Variants in DLGAP2 observed in about 807,000 individuals in gnomAD.
DLGAP2 encodes the protein disks large-associated protein 2.
DLGAP2 carries 26 observed loss-of-function variants against 100.3 expected under a neutral mutation model. The ratio of observed to expected loss-of-function variants is 0.26; its 90% CI spans 0.19 to 0.36. DLGAP2 has a LOEUF of 0.36. Among genes scored for constraint, DLGAP2 ranks in the 10% least tolerant of loss-of-function variants. The pLI is 1.00. For missense variants in DLGAP2, 1,858 were observed against 1,453.2 expected, an observed-to-expected ratio of 1.28 and a Z score of -4.53; for synonymous variants, 886 against 630.1, an observed-to-expected ratio of 1.41 and a Z score of -6.08.
intron 1 of DLGAP2, among the ~76,000 whole-genome samples, chr8:814,756 G>A (rs1796432319): frequency 6.6e-6 from 1 of 150,924 alleles, no homozygotes; most frequent in Admixed American, 6.6e-5. Flanking sequence ...GGGAGGCTGA[G>A]GCGGGAGGAT....
At chr8:1,287,157 T>TGTGTGTGCGC (rs1315463950) in intron 3 of DLGAP2, among the ~76,000 whole-genome samples, 4 of 99,510 alleles carry the variant, frequency 4.0e-5, no homozygotes, top group African/African-American at 1.3e-4. Context: ...TGTGTGTGTG[T>TGTGTGTGCGC]GCGCGCGCGC....
At chr8:1,278,507 C>G (rs1799752057) in intron 3 of DLGAP2, among the ~76,000 whole-genome samples, 1 of 152,170 alleles carries the variant, frequency 6.6e-6, no homozygotes. Context: ...GCATATCATT[C>G]TGTTTACTTA....
intron 2 of DLGAP2, among the ~76,000 whole-genome samples, chr8:982,860 ACT>A (rs1800375873): frequency 7.7e-6 from 1 of 130,540 alleles, no homozygotes; most frequent in African/African-American, 2.9e-5. Flanking sequence ...GCTTTAATAC[ACT>A]CTAGGAATTT....
chr8:916,581 C>A (rs1041089543), intron 2 of DLGAP2, among the ~76,000 whole-genome samples: 2 of 152,108 alleles, frequency 1.3e-5, no homozygotes, highest in African/African-American at 4.8e-5. Flanking sequence ...GGGTGCAGCA[C>A]ACCAACATGG....
chr8:814,775 C>T (rs1027347873), intron 1 of DLGAP2, among the ~76,000 whole-genome samples: 3 of 146,034 alleles, frequency 2.1e-5, no homozygotes, highest in Non-Finnish European at 4.5e-5. Flanking sequence ...ATGGTGTGAA[C>T]CTAGGAGGTG....
intron 2 of DLGAP2, among the ~76,000 whole-genome samples, chr8:1,070,701 A>T (rs1803401613): frequency 1.3e-5 from 2 of 152,178 alleles, no homozygotes; most frequent in Non-Finnish European, 2.9e-5. Flanking sequence ...TACAGAAAAG[A>T]CCATGGGGAA....
At position 1,340,762 on chromosome 8, in the gene DLGAP2, A is replaced by G. The variant is rs540541338; in HGVS notation, c.106+81879A>G. 2.7e-3 allele frequency among the ~76,000 whole-genome samples: 414 copies of G among 152,332 alleles called. 3 individuals are homozygous for G. The highest frequency in any genetic ancestry group is 5.1e-3 in the Non-Finnish European group (345 of 68,028). ...AAAGGAATAGAAACCCTTCTGTGACATGCACAGACACACATGCACATGTGT... is the reference window on the plus strand; with the variant it reads ...AAAGGAATAGAAACCCTTCTGTGACGTGCACAGACACACATGCACATGTGT... On this transcript the variant is annotated intron_variant, in intron 3 of 14. Transcript: ENST00000637795.
At chr8:963,132 G>A (rs1009779889) in intron 2 of DLGAP2, among the ~76,000 whole-genome samples, 2 of 152,138 alleles carry the variant, frequency 1.3e-5, no homozygotes, top group South Asian at 2.1e-4. Flanking sequence ...GTCACCCCTC[G>A]GAGCTTCTTG....
intron 3 of DLGAP2, among the ~76,000 whole-genome samples, chr8:1,493,708 A>T (rs567657845): frequency 1.2e-4 from 19 of 152,312 alleles, no homozygotes; most frequent in Admixed American, 1.2e-3. Context: ...CAGAAATGGA[A>T]GGGAAGCAAG....
intron 2 of DLGAP2, among the ~76,000 whole-genome samples, chr8:1,118,879 G>T (rs1795964266): frequency 6.6e-6 from 1 of 152,186 alleles, no homozygotes; most frequent in African/African-American, 2.4e-5. Flanking sequence ...AACACCTATA[G>T]TTAAGTTTAA....
chr8:1,190,413 GGGGCATCTGCTGTT>G (rs1797606978), intron 2 of DLGAP2, among the ~76,000 whole-genome samples: 1 of 37,842 alleles, frequency 2.6e-5, no homozygotes, highest in Non-Finnish European at 6.6e-5. Flanking sequence ...ATCTGCTGTT[GGGGCATCTGCTGTT>G]GGGGCATCTG....
At chr8:741,458 A>G (rs530726328) in intron 1 of DLGAP2, among the ~76,000 whole-genome samples, 24 of 152,274 alleles carry the variant, frequency 1.6e-4, no homozygotes, top group African/African-American at 5.5e-4. Context: ...GGGCCTTGAC[A>G]TGCAGTCCCT....
chr8:1,430,011 T>TATACAC (rs1554467362), intron 3 of DLGAP2, among the ~76,000 whole-genome samples: 2 of 63,964 alleles, frequency 3.1e-5, no homozygotes, highest in Non-Finnish European at 3.3e-5. Flanking sequence ...TATATACATA[T>TATACAC]ATATATATAT....
At chr8:1,175,976 A>C (rs1443779361) in intron 2 of DLGAP2, among the ~76,000 whole-genome samples, 1 of 152,222 alleles carries the variant, frequency 6.6e-6, no homozygotes, top group Non-Finnish European at 1.5e-5. Flanking sequence ...GAGCTGGCAC[A>C]GGGCCTATGT....
chr8:1,232,578 C>A (rs1427943639), intron 2 of DLGAP2, among the ~76,000 whole-genome samples: 1 of 152,230 alleles, frequency 6.6e-6, no homozygotes, highest in South Asian at 2.1e-4. Flanking sequence ...TTGGGAACGA[C>A]TTATCCTTTA....
chr8:1,252,882 G>A (rs1333781566), intron 2 of DLGAP2, among the ~76,000 whole-genome samples: 1 of 152,212 alleles, frequency 6.6e-6, no homozygotes, highest in Non-Finnish European at 1.5e-5. Context: ...TTCTCCCTGT[G>A]TCTCTTAGTC....
intron 2 of DLGAP2, among the ~76,000 whole-genome samples, chr8:1,023,615 C>T (rs568331650): frequency 1.3e-4 from 19 of 151,084 alleles, no homozygotes; most frequent in African/African-American, 4.1e-4. Flanking sequence ...CCGTTTGTTC[C>T]TGCTCAGGAC....
chr8:860,478 G>C (rs1002260516), intron 1 of DLGAP2, among the ~76,000 whole-genome samples: 1 of 152,160 alleles, frequency 6.6e-6, no homozygotes, highest in African/African-American at 2.4e-5. Context: ...CATTGTCCTG[G>C]ACCAAATGAC....
chr8:1,540,464 T>A (rs189276371), intron 4 of DLGAP2, among the ~76,000 whole-genome samples: 48 of 152,290 alleles, frequency 3.2e-4, no homozygotes, highest in African/African-American at 9.4e-4. Flanking sequence ...GAAAACACTT[T>A]TAAAACTCAT....
Sources: allele counts gnomAD v4.1 joint callset (sites outside exome capture counted in the v4.1 genomes callset), GRCh38; gene constraint gnomAD v4.1.1; transcripts MANE v1.5; gene names NCBI Gene and HGNC (gene_info 2026-07-23, HGNC 2026-07-21).